Variants in GTF2IRD1 observed in about 807,000 individuals in gnomAD.
GTF2IRD1 encodes the protein general transcription factor II-I repeat domain-containing protein 1.
GTF2IRD1 carries 26 observed loss-of-function variants against 113.2 expected under a neutral mutation model. That is an observed-to-expected ratio of 0.23 (90% CI 0.17 to 0.32). The LOEUF (loss-of-function observed/expected upper bound fraction) is 0.32, where lower values mean the gene tolerates loss of function less well. GTF2IRD1 is among the 10% of genes least tolerant of loss of function. The pLI is 1.00. For missense variants in GTF2IRD1, 864 were observed against 1,280.8 expected (o/e 0.67, Z 4.97); for synonymous variants, 484 against 529.1 (o/e 0.91, Z 1.17).
At chr7:74,543,654 C>G (rs587697086) in intron 14 of GTF2IRD1, among the ~76,000 whole-genome samples, 2 of 152,180 alleles carry the variant, frequency 1.3e-5, no homozygotes, top group African/African-American at 4.8e-5. Context: ...AATCCTAGCA[C>G]TTTGGGAGGC....
chr7:74,556,592 G>A (rs1391861287), intron 19 of GTF2IRD1, among the ~76,000 whole-genome samples: 1 of 148,190 alleles, frequency 6.7e-6, no homozygotes, highest in Non-Finnish European at 1.5e-5. Flanking sequence ...AAAGTGTTGG[G>A]ATTACAGGCA....
intron 22 of GTF2IRD1, among the ~76,000 whole-genome samples, chr7:74,565,949 C>T (rs1800279819): frequency 6.6e-6 from 1 of 151,836 alleles, no homozygotes; most frequent in African/African-American, 2.4e-5. Flanking sequence ...ACAAAGCTCA[C>T]ATCACCTCAC....
chr7:74,549,769 C>T (rs1373767482), intron 17 of GTF2IRD1, among the ~76,000 whole-genome samples: 1 of 152,112 alleles, frequency 6.6e-6, no homozygotes, highest in Non-Finnish European at 1.5e-5. Context: ...GGTGCGGTGG[C>T]TCACGCCTGT....
intron 1 of GTF2IRD1, among the ~76,000 whole-genome samples, chr7:74,500,939 G>C (rs782613213): frequency 6.6e-6 from 1 of 152,052 alleles, no homozygotes; most frequent in Non-Finnish European, 1.5e-5. Context: ...GCCCAGGCTG[G>C]TACACTCCTG....
At chr7:74,507,961 G>C in intron 1 of GTF2IRD1, 114 bp from the exon 2 acceptor site, 1 of 1,208,732 alleles carries the variant, frequency 8.3e-7, no homozygotes, top group Non-Finnish European at 1.1e-6. Flanking sequence ...GTCAGCCCTG[G>C]ATACAGAGGC....
At chr7:74,601,371 T>C in intron 26 of GTF2IRD1, 191 bp downstream of exon 26, 1 of 1,519,332 alleles carries the variant, frequency 6.6e-7, no homozygotes, top group Non-Finnish European at 8.8e-7. Context: ...ATCCTTCTCG[T>C]GGGGTACTCA....
At chr7:74,598,943 C>A (rs1802581439) in intron 25 of GTF2IRD1, among the ~76,000 whole-genome samples, 1 of 152,172 alleles carries the variant, frequency 6.6e-6, no homozygotes, top group African/African-American at 2.4e-5. Context: ...GACTTCTCCA[C>A]CAGTTGAAGA....
chr7:74,498,088 C>T (rs1374374579), intron 1 of GTF2IRD1, among the ~76,000 whole-genome samples: 7 of 151,952 alleles, frequency 4.6e-5, no homozygotes, highest in Non-Finnish European at 8.8e-5. Flanking sequence ...TGATGTTGGA[C>T]ATCTTTTCAT....
intron 9 of GTF2IRD1, among the ~76,000 whole-genome samples, chr7:74,532,610 G>A (rs1798029697): frequency 6.6e-6 from 1 of 152,128 alleles, no homozygotes; most frequent in Non-Finnish European, 1.5e-5. Context: ...ACTGGGTGGG[G>A]CTGAGGAAGC....
intron 23 of GTF2IRD1, 60 bp downstream of exon 23, chr7:74,589,988 C>G: frequency 9.1e-7 from 1 of 1,094,148 alleles, no homozygotes; most frequent in Non-Finnish European, 1.4e-6. Context: ...GGTGGGGGGC[C>G]TCCCTCTGCA....
chr7:74,466,241 G>A (rs1453471626), intron 1 of GTF2IRD1, among the ~76,000 whole-genome samples: 3 of 152,162 alleles, frequency 2.0e-5, no homozygotes, highest in Admixed American at 6.5e-5. Flanking sequence ...CTTAGGGGAC[G>A]GGAGACAATG....
chr7:74,567,354 A>G (rs2130840738), intron 22 of GTF2IRD1, among the ~76,000 whole-genome samples: 1 of 150,750 alleles, frequency 6.6e-6, no homozygotes, highest in South Asian at 2.1e-4. Flanking sequence ...AAAAAAGGAG[A>G]GAGAGGTGGA....
intron 1 of GTF2IRD1, among the ~76,000 whole-genome samples, chr7:74,488,996 G>T (rs1795175157): frequency 6.6e-6 from 1 of 151,782 alleles, no homozygotes; most frequent in African/African-American, 2.4e-5. Flanking sequence ...ACAAAAATTA[G>T]CCGGGTGTGG....
chr7:74,546,884 T>C (rs1321482385), intron 16 of GTF2IRD1, among the ~76,000 whole-genome samples: 2 of 152,206 alleles, frequency 1.3e-5, no homozygotes, highest in African/African-American at 4.8e-5. Context: ...CTGGCTCTGC[T>C]GTTCAGTGGC....
At chr7:74,471,673 A>T (rs1368394292) in intron 1 of GTF2IRD1, among the ~76,000 whole-genome samples, 578 of 16,276 alleles carry the variant, frequency 0.036, 3 homozygotes, top group African/African-American at 0.078. Flanking sequence ...TGAAATATTT[A>T]AAAAAAAAAA....
At chr7:74,532,226 C>T (rs1554349074) in intron 9 of GTF2IRD1, among the ~76,000 whole-genome samples, 1 of 152,144 alleles carries the variant, frequency 6.6e-6, no homozygotes, top group Admixed American at 6.6e-5. Flanking sequence ...CTCCCCGACC[C>T]TGTTCTCCCT....
At chr7:74,518,428 C>A in intron 5 of GTF2IRD1, 106 bp downstream of exon 5, 2 of 839,206 alleles carry the variant, frequency 2.4e-6, no homozygotes, top group Non-Finnish European at 3.6e-6. Flanking sequence ...TTGAGATGCC[C>A]GTGGGGGACC....
chr7:74,546,954 G>A, intron 16 of GTF2IRD1, 149 bp from the exon 17 acceptor site: 1 of 704,942 alleles, frequency 1.4e-6, no homozygotes, highest in South Asian at 1.8e-5. Context: ...CTGCAGGCTG[G>A]GGGGCCACTC....
chr7:74,488,911 G>A (rs1319856644), intron 1 of GTF2IRD1, among the ~76,000 whole-genome samples: 1 of 152,104 alleles, frequency 6.6e-6, no homozygotes, highest in African/African-American at 2.4e-5. Flanking sequence ...GGGAGGCCAA[G>A]GTGGCGGATC....
Sources: allele counts gnomAD v4.1 joint callset (sites outside exome capture counted in the v4.1 genomes callset), GRCh38; gene constraint gnomAD v4.1.1; transcripts MANE v1.5; gene names NCBI Gene and HGNC (gene_info 2026-07-23, HGNC 2026-07-21).